Variants in MYO3B observed in about 807,000 individuals in gnomAD.
MYO3B encodes myosin-IIIb.
Under a neutral mutation model 174.6 loss-of-function variants are expected in MYO3B, and 156 were observed. The ratio of observed to expected loss-of-function variants is 0.89; its 90% confidence interval spans 0.78 to 1.02. The LOEUF is 1.02. Ranked by LOEUF, MYO3B falls within the 50% of genes least tolerant of loss-of-function variation. The pLI is 0.00. For synonymous variants in MYO3B, 563 were observed against 569.1 expected, an observed-to-expected ratio of 0.99 and a Z score of 0.15; for missense variants, 1,632 against 1,639.4, an observed-to-expected ratio of 1.00 and a Z score of 0.08.
intron 32 of MYO3B, among the ~76,000 whole-genome samples, chr2:170,607,234 G>A (rs1301261967): frequency 1.3e-5 from 2 of 152,152 alleles, no homozygotes; most frequent in Non-Finnish European, 2.9e-5. Flanking sequence ...CTAATAAAGT[G>A]TACATATTTA....
At chr2:170,447,071 G>T (rs900897276) in intron 23 of MYO3B, among the ~76,000 whole-genome samples, 1 of 152,196 alleles carries the variant, frequency 6.6e-6, no homozygotes, top group African/African-American at 2.4e-5. Context: ...CTTCAGGGGA[G>T]AAGGGAGGGA....
At chr2:170,624,410 G>C (rs1275247646) in intron 32 of MYO3B, among the ~76,000 whole-genome samples, 1 of 152,124 alleles carries the variant, frequency 6.6e-6, no homozygotes, top group Non-Finnish European at 1.5e-5. Flanking sequence ...TTTGCACGTT[G>C]ATTTTGTATC....
At chr2:170,371,216 TAAAAAA>T (rs56689548) in intron 9 of MYO3B, among the ~76,000 whole-genome samples, 1 of 89,712 alleles carries the variant, frequency 1.1e-5, no homozygotes, top group Non-Finnish European at 2.1e-5. Context: ...AGACAGTGTC[TAAAAAA>T]AAAAAAAAAA....
intron 7 of MYO3B, among the ~76,000 whole-genome samples, chr2:170,297,955 A>G (rs942015827): frequency 2.0e-5 from 3 of 152,220 alleles, no homozygotes; most frequent in African/African-American, 7.2e-5. Context: ...ATGAAAAATG[A>G]TTAGGCTAGG....
intron 27 of MYO3B, 139 bp downstream of exon 27, chr2:170,499,947 C>T: frequency 4.6e-6 from 3 of 657,448 alleles, no homozygotes; most frequent in Non-Finnish European, 7.4e-6. Flanking sequence ...TCCTTCCTTC[C>T]TTCTTTCCTT....
intron 32 of MYO3B, among the ~76,000 whole-genome samples, chr2:170,576,153 C>T (rs896814469): frequency 6.6e-6 from 1 of 152,174 alleles, no homozygotes; most frequent in African/African-American, 2.4e-5. Context: ...AAAGGGGATG[C>T]AGCAGTATCC....
At chr2:170,630,311 G>A (rs546840104) in intron 32 of MYO3B, among the ~76,000 whole-genome samples, 13 of 150,926 alleles carry the variant, frequency 8.6e-5, no homozygotes, top group East Asian at 3.9e-4. Flanking sequence ...TTGCTAGTCC[G>A]AGATCAAATT....
chr2:170,507,149 C>G (rs1559067675), intron 28 of MYO3B, among the ~76,000 whole-genome samples: 1 of 152,188 alleles, frequency 6.6e-6, no homozygotes, highest in Non-Finnish European at 1.5e-5. Flanking sequence ...TTTCCGTATC[C>G]ACATATCCAC....
At chr2:170,286,711 G>T (rs2093558700) in intron 7 of MYO3B, among the ~76,000 whole-genome samples, 1 of 151,768 alleles carries the variant, frequency 6.6e-6, no homozygotes, top group South Asian at 2.1e-4. Flanking sequence ...CTTTAACTTA[G>T]GTCTTCTTTT....
intron 1 of MYO3B, among the ~76,000 whole-genome samples, chr2:170,197,530 C>T (rs2092614250): frequency 6.6e-6 from 1 of 152,108 alleles, no homozygotes; most frequent in Non-Finnish European, 1.5e-5. Context: ...GAAGTTATAT[C>T]CCTTCTTTTG....
At chr2:170,642,712 C>T (rs752277888) in intron 32 of MYO3B, among the ~76,000 whole-genome samples, 1 of 152,102 alleles carries the variant, frequency 6.6e-6, no homozygotes, top group Non-Finnish European at 1.5e-5. Flanking sequence ...TCAGACCTCT[C>T]AGATATAAAA....
chr2:170,220,696 C>T (rs954625675), intron 6 of MYO3B, among the ~76,000 whole-genome samples: 3 of 150,682 alleles, frequency 2.0e-5, no homozygotes, highest in African/African-American at 7.3e-5. Flanking sequence ...GAGCTTTTTG[C>T]TCAGATTCCC....
At chr2:170,575,860 G>A (rs1692751773) in intron 32 of MYO3B, among the ~76,000 whole-genome samples, 1 of 152,154 alleles carries the variant, frequency 6.6e-6, no homozygotes, top group African/African-American at 2.4e-5. Context: ...GCAGGGACAG[G>A]TTTTGAACAG....
chr2:170,391,038 A>G (rs893083679), intron 14 of MYO3B, among the ~76,000 whole-genome samples: 2 of 152,146 alleles, frequency 1.3e-5, no homozygotes, highest in African/African-American at 4.8e-5. Flanking sequence ...CATTTTGAGT[A>G]GTACTTTTAA....
intron 24 of MYO3B, among the ~76,000 whole-genome samples, chr2:170,464,994 G>A (rs990975505): frequency 3.2e-4 from 48 of 151,382 alleles, no homozygotes; most frequent in African/African-American, 1.1e-3. Context: ...AGCCTCCCAC[G>A]TAGCTGGGAC....
chr2:170,465,830 A>G (rs1384365857), intron 24 of MYO3B, among the ~76,000 whole-genome samples: 3 of 152,322 alleles, frequency 2.0e-5, no homozygotes, highest in Non-Finnish European at 2.9e-5. Context: ...CCTTTGGCTT[A>G]TAATAGCTCC....
At chr2:170,181,570 T>C (rs1252295863) in intron 1 of MYO3B, among the ~76,000 whole-genome samples, 3 of 152,190 alleles carry the variant, frequency 2.0e-5, no homozygotes, top group Non-Finnish European at 4.4e-5. Flanking sequence ...AGGTTTTTCC[T>C]AGATTCCTGT....
At chr2:170,565,895 C>A (rs1692045053) in intron 32 of MYO3B, among the ~76,000 whole-genome samples, 1 of 152,126 alleles carries the variant, frequency 6.6e-6, no homozygotes, top group Admixed American at 6.6e-5. Flanking sequence ...GATAAATTTG[C>A]ATAGTCTATG....
intron 32 of MYO3B, among the ~76,000 whole-genome samples, chr2:170,582,284 T>G (rs1263974622): frequency 6.6e-6 from 1 of 152,220 alleles, no homozygotes; most frequent in East Asian, 1.9e-4. Context: ...GAAGTTAGTG[T>G]AACAAGTGTT....
Sources: gnomAD v4.1 joint callset for allele counts (sites outside exome capture counted in the v4.1 genomes callset) on GRCh38, gnomAD v4.1.1 for gene constraint, MANE v1.5 for transcripts, NCBI Gene and HGNC (gene_info 2026-07-23, HGNC 2026-07-21) for gene names.